Variants in VRK2 observed in about 807,000 individuals in gnomAD.
VRK2 encodes the protein serine/threonine-protein kinase VRK2.
VRK2 carries 60 observed loss-of-function variants against 57.6 expected under a neutral mutation model. The ratio of observed to expected loss-of-function variants is 1.04; its 90% CI spans 0.85 to 1.29. The LOEUF (loss-of-function observed/expected upper bound fraction) is 1.29, where lower values mean the gene tolerates loss of function less well. Among genes scored for constraint, VRK2 ranks in the 50% most tolerant of loss-of-function variants. The pLI is 0.00. For missense variants in VRK2, 705 were observed against 588.1 expected, an observed-to-expected ratio of 1.20 and a Z score of -2.06; for synonymous variants, 231 against 199.2, an observed-to-expected ratio of 1.16 and a Z score of -1.35.
intron 8 of VRK2, among the ~76,000 whole-genome samples, chr2:58,127,424 A>C (rs1318694658): frequency 6.6e-6 from 1 of 152,168 alleles, no homozygotes; most frequent in Non-Finnish European, 1.5e-5. Context: ...ACACAAAACT[A>C]GGGCTTAATT....
intron 2 of VRK2, among the ~76,000 whole-genome samples, chr2:58,056,284 G>A (rs1326269651): frequency 6.6e-6 from 1 of 152,100 alleles, no homozygotes; most frequent in Non-Finnish European, 1.5e-5. Flanking sequence ...AGACCGTTGT[G>A]AATACTTCAA....
At chr2:58,136,951 ATAT>A (rs1420596030) in intron 10 of VRK2, among the ~76,000 whole-genome samples, 1 of 134,450 alleles carries the variant, frequency 7.4e-6, no homozygotes, top group Non-Finnish European at 1.5e-5. Flanking sequence ...TATATATCAT[ATAT>A]GTGTATATAT....
chr2:57,988,359 T>C (rs1261429982), intron 1 of VRK2, among the ~76,000 whole-genome samples: 1 of 152,222 alleles, frequency 6.6e-6, no homozygotes, highest in African/African-American at 2.4e-5. Context: ...CCAGCAAGTG[T>C]AGTCAGTGTG....
At chr2:58,093,294 T>G (rs1180313041) in intron 7 of VRK2, among the ~76,000 whole-genome samples, 2 of 152,162 alleles carry the variant, frequency 1.3e-5, no homozygotes, top group Non-Finnish European at 2.9e-5. Context: ...TGTAAAAGTG[T>G]TCCTATTTCT....
At chr2:58,047,469 A>G (rs1452667957) in intron 1 of VRK2, 1 of 985,246 alleles carries the variant, frequency 1.0e-6, no homozygotes, top group African/African-American at 1.7e-5. Context: ...CGCCCCCAGG[A>G]TGTACATTTC....
intron 2 of VRK2, among the ~76,000 whole-genome samples, chr2:58,068,185 C>T (rs1019333577): frequency 1.3e-5 from 2 of 152,176 alleles, no homozygotes; most frequent in East Asian, 3.8e-4. Context: ...CCACCTTGGC[C>T]TCCCAAAGTG....
intron 2 of VRK2, among the ~76,000 whole-genome samples, chr2:58,050,158 TAAAAG>T (rs1257233198): frequency 6.6e-6 from 1 of 152,162 alleles, no homozygotes; most frequent in Non-Finnish European, 1.5e-5. Context: ...TAAAATACGT[TAAAAG>T]AAACAGGTGA....
At chr2:58,048,991 A>G (rs1339846358) in intron 2 of VRK2, 24 bp downstream of exon 2, 2 of 1,605,256 alleles carry the variant, frequency 1.2e-6, no homozygotes, top group Middle Eastern at 1.7e-4. Flanking sequence ...TTAAATTAAC[A>G]ATTATTCTTA....
chr2:58,081,661 C>T (rs1670885628), intron 2 of VRK2, among the ~76,000 whole-genome samples: 1 of 151,742 alleles, frequency 6.6e-6, no homozygotes, highest in African/African-American at 2.4e-5. Context: ...AACTCAAGGG[C>T]ATTATAGCAT....
At chr2:58,077,133 C>A (rs978551803) in intron 2 of VRK2, among the ~76,000 whole-genome samples, 1 of 151,974 alleles carries the variant, frequency 6.6e-6, no homozygotes, top group African/African-American at 2.4e-5. Flanking sequence ...GAAAATTCTT[C>A]AATCTTTTTT....
At chr2:57,927,969 T>C (rs1670596057) in intron 1 of VRK2, among the ~76,000 whole-genome samples, 1 of 152,190 alleles carries the variant, frequency 6.6e-6, no homozygotes, top group African/African-American at 2.4e-5. Context: ...TAGGATACTT[T>C]CTTTATCATA....
chr2:58,108,517 T>C (rs1442542357), intron 7 of VRK2, among the ~76,000 whole-genome samples: 2 of 152,124 alleles, frequency 1.3e-5, no homozygotes, highest in Non-Finnish European at 2.9e-5. Context: ...TTTCTTTCTT[T>C]CTTTTTTTTT....
intron 2 of VRK2, among the ~76,000 whole-genome samples, chr2:58,050,856 T>A (rs1350802776): frequency 6.6e-6 from 1 of 152,122 alleles, no homozygotes; most frequent in Non-Finnish European, 1.5e-5. Context: ...TTACTTTTTT[T>A]TTTTTTGAGA....
intron 1 of VRK2, among the ~76,000 whole-genome samples, chr2:57,942,360 G>A (rs1671126324): frequency 6.6e-6 from 1 of 152,156 alleles, no homozygotes; most frequent in Admixed American, 6.5e-5. Flanking sequence ...TTGCCATTAT[G>A]AATCAGGCAG....
chr2:58,026,140 T>C lies in VRK2; in HGVS notation c.-333+370T>C, dbSNP rs143631277. On this transcript the variant is annotated intron_variant, in intron 2 of 15. Coordinates refer to the VRK2 transcript ENST00000417641. ...ATTGTACTCTGTCTCACTTGTTCCA[T>C]TGCATAATGGAGATGTACAAAGTGA... Among the ~76,000 whole-genome samples, 642 of 152,304 alleles carry C rather than the reference T, an allele frequency of 4.2e-3. 9 individuals are homozygous for C. Among genetic ancestry groups the C allele is most frequent in the African/African-American group, 0.014 (601 of 41,574 alleles).
intron 1 of VRK2, among the ~76,000 whole-genome samples, chr2:57,913,064 G>A (rs1033385070): frequency 2.0e-5 from 3 of 152,156 alleles, no homozygotes; most frequent in African/African-American, 7.2e-5. Flanking sequence ...TCAGCCAGCA[G>A]GACTGTGAAA....
intron 1 of VRK2, among the ~76,000 whole-genome samples, chr2:57,985,576 A>T (rs751242683): frequency 6.6e-6 from 1 of 152,108 alleles, no homozygotes; most frequent in Admixed American, 6.5e-5. Context: ...GTACATTCAC[A>T]AGAAACCTAC....
At chr2:58,125,271 G>A (rs1446439561) in intron 8 of VRK2, among the ~76,000 whole-genome samples, 1 of 152,132 alleles carries the variant, frequency 6.6e-6, no homozygotes, top group African/African-American at 2.4e-5. Context: ...GGTATGGTCA[G>A]TGTTTGGACT....
At chr2:58,063,732 A>G (rs368104107) in intron 2 of VRK2, among the ~76,000 whole-genome samples, 1 of 152,064 alleles carries the variant, frequency 6.6e-6, no homozygotes, top group African/African-American at 2.4e-5. Context: ...TCAAGTTCTT[A>G]CTATTTAAGA....
Sources: allele counts gnomAD v4.1 joint callset (sites outside exome capture counted in the v4.1 genomes callset), GRCh38; gene constraint gnomAD v4.1.1; transcripts MANE v1.5; gene names NCBI Gene and HGNC (gene_info 2026-07-23, HGNC 2026-07-21).